VWA8: variants seen among roughly 807,000 people sequenced by gnomAD.
VWA8 encodes the protein von Willebrand factor A domain-containing protein 8.
Under a neutral mutation model 241.5 loss-of-function variants are expected in VWA8, and 221 were observed. The ratio of observed to expected loss-of-function variants is 0.91; its 90% CI spans 0.82 to 1.02. VWA8 has a LOEUF of 1.02. Ranked by LOEUF, VWA8 falls within the 50% of genes least tolerant of loss-of-function variation. The pLI is 0.00. For synonymous variants in VWA8, 852 were observed against 827.1 expected (o/e 1.03, Z -0.52); for missense variants, 2,322 against 2,328.7 (o/e 1.00, Z 0.06).
chr13:41,948,553 C>T (rs1220759914), intron 2 of VWA8, among the ~76,000 whole-genome samples: 1 of 152,052 alleles, frequency 6.6e-6, no homozygotes, highest in East Asian at 1.9e-4. Flanking sequence ...AACCAAAAAC[C>T]ATGATGAGTT....
intron 42 of VWA8, among the ~76,000 whole-genome samples, chr13:41,586,673 C>G (rs1431976590): frequency 6.6e-6 from 1 of 152,102 alleles, no homozygotes; most frequent in East Asian, 1.9e-4. Flanking sequence ...GGAAGCAATC[C>G]TGGGGTGCAT....
chr13:41,690,098 T>C, intron 33 of VWA8, 68 bp downstream of exon 33: 1 of 1,373,214 alleles, frequency 7.3e-7, no homozygotes, highest in Non-Finnish European at 9.9e-7. Flanking sequence ...TCTTAAATGA[T>C]TCTAGAAGAC....
At chr13:41,911,008 G>T (rs536716759) in intron 3 of VWA8, among the ~76,000 whole-genome samples, 1 of 151,822 alleles carries the variant, frequency 6.6e-6, no homozygotes, top group Admixed American at 6.6e-5. Flanking sequence ...TAATCATTAG[G>T]GTAATGCCTA....
chr13:41,879,162 A>C (rs1450203165), intron 9 of VWA8, among the ~76,000 whole-genome samples: 1 of 152,106 alleles, frequency 6.6e-6, no homozygotes, highest in Non-Finnish European at 1.5e-5. Flanking sequence ...GTGTTGATTA[A>C]ATCAAAGATA....
chr13:41,786,741 C>T (rs1869207462), intron 18 of VWA8, among the ~76,000 whole-genome samples: 1 of 152,050 alleles, frequency 6.6e-6, no homozygotes, highest in East Asian at 1.9e-4. Context: ...AAAGCATCTG[C>T]TACAAAGAAA....
At chr13:41,891,282 A>C in intron 5 of VWA8, 138 bp downstream of exon 5, 2 of 983,146 alleles carry the variant, frequency 2.0e-6, no homozygotes. Flanking sequence ...CTGTAAATTC[A>C]TGACTCTAGC....
intron 44 of VWA8, among the ~76,000 whole-genome samples, chr13:41,568,664 G>C (rs1220966205): frequency 6.6e-6 from 1 of 152,166 alleles, no homozygotes; most frequent in Non-Finnish European, 1.5e-5. Context: ...CACCTCCCGG[G>C]TCTAGCAAAT....
intron 25 of VWA8, 103 bp downstream of exon 25, chr13:41,721,267 T>C (rs945531809): frequency 3.9e-5 from 45 of 1,149,540 alleles, no homozygotes; most frequent in East Asian, 3.0e-4. Context: ...ATCTGACTCA[T>C]TATTGTATTT....
intron 41 of VWA8, 108 bp downstream of exon 41, chr13:41,590,532 G>A: frequency 9.6e-7 from 1 of 1,043,220 alleles, no homozygotes; most frequent in Non-Finnish European, 1.3e-6. Context: ...GCTTTCCTTG[G>A]TTACCATATT....
chr13:41,701,447 T>C lies in VWA8; in HGVS notation c.3309A>G (p.Ser1103=), dbSNP rs780738150. The C allele has an allele frequency of 3.7e-6, 6 of 1,612,438 alleles. No individual in the cohort carries two copies. The East Asian group carries it at 8.9e-5, about 24-fold the overall frequency. The change falls in exon 28 of 45, where the codon TCA becomes TCG. Residue 1103 remains serine, a synonymous_variant. Coordinates refer to ENST00000379310, the MANE Select transcript of VWA8 (RefSeq NM_015058.2). ...TAATTTCATCCAATGGTATTCTCCA[T>C]GAGGCACATTCTTCAGTAAAGTTTA... is the stretch of plus-strand genomic sequence containing the variant. ...RSLNFTEECA[S]WRIPLDEINI...
At chr13:41,914,976 T>A (rs1876183461) in intron 2 of VWA8, among the ~76,000 whole-genome samples, 1 of 152,220 alleles carries the variant, frequency 6.6e-6, no homozygotes, top group Non-Finnish European at 1.5e-5. Flanking sequence ...CCATAATCAT[T>A]TTCAAGATTT....
chr13:41,596,114 A>G (rs1487927129), intron 40 of VWA8, among the ~76,000 whole-genome samples: 3 of 152,172 alleles, frequency 2.0e-5, no homozygotes, highest in African/African-American at 7.2e-5. Flanking sequence ...TTTTAGGAAC[A>G]TGAACCAGTA....
In VWA8 at chr13:41,670,928, G is replaced by C; in HGVS notation, c.4611+18C>G. On this transcript the variant is annotated intron_variant, in intron 37 of 44. Transcript: ENST00000379310. ...TTGAATGTGCACCTCTAAGAGATAA[G>C]GTGAATTCAAATGGTACCTGCATAT... 1 of 1,612,604 alleles carries C rather than the reference G, an allele frequency of 6.2e-7. No homozygotes were observed. Among genetic ancestry groups the C allele is most frequent in the Non-Finnish European group, 8.5e-7 (1 of 1,179,522 alleles).
intron 37 of VWA8, among the ~76,000 whole-genome samples, chr13:41,656,167 G>A (rs1278556605): frequency 1.3e-5 from 2 of 152,200 alleles, no homozygotes; most frequent in Non-Finnish European, 2.9e-5. Flanking sequence ...CTCTTTCTGA[G>A]TAATGACTTA....
intron 14 of VWA8, among the ~76,000 whole-genome samples, chr13:41,829,703 A>G (rs918922514): frequency 5.9e-5 from 9 of 152,206 alleles, no homozygotes; most frequent in African/African-American, 2.2e-4. Context: ...CAAATATTGC[A>G]TGTCATCACT....
intron 26 of VWA8, among the ~76,000 whole-genome samples, chr13:41,706,893 TG>T (rs1260694630): frequency 1.3e-5 from 2 of 152,212 alleles, no homozygotes; most frequent in African/African-American, 4.8e-5. Context: ...TTTGATTTCA[TG>T]GGGAAGGAGA....
intron 43 of VWA8, among the ~76,000 whole-genome samples, chr13:41,573,040 C>T (rs566559508): frequency 1.5e-4 from 22 of 145,234 alleles, no homozygotes; most frequent in African/African-American, 3.1e-4. Context: ...GTGTGGGAGG[C>T]GCAGGTTGTA....
At chr13:41,927,986 A>G (rs899630350) in intron 2 of VWA8, among the ~76,000 whole-genome samples, 8 of 152,362 alleles carry the variant, frequency 5.3e-5, no homozygotes, top group Non-Finnish European at 1.0e-4. Context: ...CTTCACGTCA[A>G]ATTCTGTCAC....
chr13:41,760,633 T>C (rs998239906), intron 21 of VWA8, among the ~76,000 whole-genome samples: 1 of 151,946 alleles, frequency 6.6e-6, no homozygotes, highest in East Asian at 1.9e-4. Flanking sequence ...AAAAACTATT[T>C]GATTAAAAGC....
Sources: allele counts gnomAD v4.1 joint callset (sites outside exome capture counted in the v4.1 genomes callset), GRCh38; gene constraint gnomAD v4.1.1; transcripts MANE v1.5; gene names NCBI Gene and HGNC (gene_info 2026-07-23, HGNC 2026-07-21).